Variants in FAM199X observed in about 807,000 individuals in gnomAD.
FAM199X encodes the protein protein FAM199X.
In FAM199X, 4 loss-of-function variants were observed where a neutral mutation model predicts 22.9. The observed-to-expected ratio is 0.17, with a 90% CI of 0.09 to 0.40. FAM199X has a LOEUF of 0.40. Ranked by LOEUF, FAM199X falls within the 10% of genes least tolerant of loss-of-function variation. The pLI is 1.00. For missense variants in FAM199X, 183 were observed against 306.8 expected (o/e 0.60, Z 3.01); for synonymous variants, 101 against 112.3 (o/e 0.90, Z 0.64).
rs782503930 is a variant in FAM199X, at chrX:104,194,200, G to T, written c.*4422G>T. ...ATACCGAACTCAGAAAAGCTTGTTT[G>T]ATCTTCTCTAAATTCTGTATGTAGT... On this transcript the variant is annotated 3_prime_UTR_variant, in exon 6 of 6. Transcript: ENST00000493442. 1 of 111,390 alleles carries T rather than the reference G, an allele frequency of 9.0e-6. No homozygotes were observed. Among genetic ancestry groups the T allele is most frequent in the African/African-American group, 3.2e-5 (1 of 30,781 alleles). The allele number at this position is 111,390 out of a possible 1,213,427, so 9.2% of individuals were successfully genotyped here.
At chrX:104,189,331 AAAG>A (rs60492724) in intron 5 of FAM199X, among the ~76,000 whole-genome samples, 7,385 of 111,386 alleles carry the variant, frequency 0.066, 653 homozygotes, top group African/African-American at 0.23. Context: ...GGAATTTAAA[AAAG>A]AAGTCTTTGA....
At chrX:104,179,394 G>A (rs1921583391) in intron 2 of FAM199X, among the ~76,000 whole-genome samples, 1 of 111,467 alleles carries the variant, frequency 9.0e-6, no homozygotes, top group Non-Finnish European at 1.9e-5. Context: ...ATTCTTTTTG[G>A]TGCTGTTATA....
At position 104,194,431 on chromosome X, in the gene FAM199X, G is replaced by T. The variant is rs1178042186; in HGVS notation, c.*4653G>T. ...ACTTAATATTCTAAATTGTTCTAAGGAACAGTGGCCTGAAGCCATGACTAG... is the reference window on the plus strand; with the variant it reads ...ACTTAATATTCTAAATTGTTCTAAGTAACAGTGGCCTGAAGCCATGACTAG... On this transcript the variant is annotated 3_prime_UTR_variant, in exon 6 of 6. Coordinates refer to ENST00000493442, the MANE Select transcript of FAM199X (RefSeq NM_207318.4). 1 of 112,117 alleles carries T rather than the reference G, an allele frequency of 8.9e-6. No individual in the cohort carries two copies. The highest frequency in any genetic ancestry group is 1.9e-5 in the Non-Finnish European group (1 of 53,078). 9.2% of individuals were successfully genotyped at this position (112,117 alleles called of 1,213,427 possible).
At chrX:104,161,336 G>A in the FAM199X span, among the ~76,000 whole-genome samples, 9 of 112,102 alleles carry the variant, frequency 8.0e-5, no homozygotes, top group Non-Finnish European at 1.1e-4. Context: ...TTTCATTAAA[G>A]CATAGGAAAG....
intron 2 of FAM199X, among the ~76,000 whole-genome samples, chrX:104,180,288 CTTTTT>C (rs573175887): frequency 7.0e-5 from 5 of 71,260 alleles, no homozygotes; most frequent in Non-Finnish European, 1.1e-4. Flanking sequence ...GCCAGTGTCT[CTTTTT>C]TTTTTTTTTT....
At chrX:104,163,688 CTTTTTTT>C (rs1180760241), upstream of FAM199X, among the ~76,000 whole-genome samples, 4 of 94,254 alleles carry the variant, frequency 4.2e-5, no homozygotes, top group South Asian at 9.9e-4. Context: ...GGAGGGACCT[CTTTTTTT>C]TTTTTTTTTT....
chrX:104,188,146 G>T lies in FAM199X; in HGVS notation c.836G>T (p.Ser279Ile). Residue 279 changes from serine (S) to isoleucine (I), a missense_variant, in exon 5 of 6, where the codon AGT (serine) becomes ATT (isoleucine). Physicochemically the swap from Ser to Ile is moderately radical, Grantham distance 142. This residue lies in a region of FAM199X where 128 missense variants were observed against 246.2 expected (regional missense o/e 0.52). Transcript: ENST00000493442. ...CASTSGVSGA[S>I]ASASSSSASM... ...AGCACCAGTGGAGTGAGCGGTGCCA[G>T]TGCCAGCGCCAGCAGCAGCAGTGCC... 1 of 1,211,896 alleles carries T rather than the reference G, an allele frequency of 8.3e-7. No individual in the cohort carries two copies. Among genetic ancestry groups the T allele is most frequent in the Non-Finnish European group, 1.1e-6 (1 of 895,600 alleles).
intron 1 of FAM199X, among the ~76,000 whole-genome samples, chrX:104,167,262 C>T (rs782555023): frequency 9.5e-6 from 1 of 105,769 alleles, no homozygotes; most frequent in Non-Finnish European, 1.9e-5. Context: ...CTTCCCTCCC[C>T]CCATCTGTAC....
chrX:104,160,007 CGCT>C, the FAM199X span, among the ~76,000 whole-genome samples: 1 of 112,193 alleles, frequency 8.9e-6, no homozygotes, highest in Non-Finnish European at 1.9e-5. Context: ...TCTCTCACTC[CGCT>C]GCTGCTGAGA....
the FAM199X span, among the ~76,000 whole-genome samples, chrX:104,161,215 A>T: frequency 8.9e-6 from 1 of 112,157 alleles, no homozygotes; most frequent in East Asian, 2.8e-4. Context: ...TAAACCAAAA[A>T]TTCATACTGA....
intron 1 of FAM199X, 129 bp downstream of exon 1, chrX:104,167,111 G>A (rs1434370929): frequency 9.7e-6 from 5 of 518,064 alleles, no homozygotes; most frequent in East Asian, 4.6e-5. Context: ...GCTCATTCCC[G>A]GCCTCCTTCC....
At chrX:104,185,364 T>G (rs1921773899) in intron 2 of FAM199X, among the ~76,000 whole-genome samples, 1 of 111,164 alleles carries the variant, frequency 9.0e-6, no homozygotes, top group Non-Finnish European at 1.9e-5. Context: ...GACCAGTGCT[T>G]CTTTTTCATT....
chrX:104,164,920 G>A (rs949098904), upstream of FAM199X, among the ~76,000 whole-genome samples: 1 of 111,776 alleles, frequency 8.9e-6, no homozygotes, highest in Non-Finnish European at 1.9e-5. Flanking sequence ...AGACTATTTC[G>A]TTAGCTTCTT....
intron 2 of FAM199X, among the ~76,000 whole-genome samples, chrX:104,178,848 G>A (rs1921564299): frequency 9.0e-6 from 1 of 111,716 alleles, no homozygotes; most frequent in Non-Finnish European, 1.9e-5. Context: ...GTTCATTATA[G>A]AGATTGTTTA....
At position 104,166,456 on chromosome X, in the gene FAM199X, C is replaced by A. The variant is rs1921186542; in HGVS notation, c.-330C>A. Among the ~76,000 whole-genome samples, 1 of 112,382 alleles carries A rather than the reference C, an allele frequency of 8.9e-6. No homozygotes were observed. Among genetic ancestry groups the A allele is most frequent in the Non-Finnish European group, 1.9e-5 (1 of 53,010 alleles). On this transcript the variant is annotated 5_prime_UTR_variant, in exon 1 of 6. Coordinates refer to ENST00000493442, the MANE Select transcript of FAM199X (RefSeq NM_207318.4). The stretch of plus-strand genomic sequence containing the variant: ...CGGGCGCCGGGCAGACTGCTGCAGT[C>A]GCAAGCGGCGAGCGCAGTGGGCGGG...
chrX:104,176,573 G>A (rs114816147), intron 2 of FAM199X, among the ~76,000 whole-genome samples: 4,367 of 111,949 alleles, frequency 0.039, 175 homozygotes, highest in African/African-American at 0.13. Flanking sequence ...TCCAAAAGAG[G>A]GATTGAATAT....
At chrX:104,176,177 T>C (rs1230970800) in intron 2 of FAM199X, among the ~76,000 whole-genome samples, 2 of 112,237 alleles carry the variant, frequency 1.8e-5, no homozygotes, top group African/African-American at 3.2e-5. Flanking sequence ...TGTGTCCTTA[T>C]AGGACAAATA....
chrX:104,164,654 G>T (rs1316189552), upstream of FAM199X, among the ~76,000 whole-genome samples: 2 of 111,242 alleles, frequency 1.8e-5, no homozygotes, highest in Admixed American at 9.5e-5. Flanking sequence ...ACTGAGTTGG[G>T]TCAATCACTT....
chrX:104,187,176 C>T lies in FAM199X; in HGVS notation c.729+555C>T, dbSNP rs187169660. 9.2e-5 allele frequency among the ~76,000 whole-genome samples: 10 copies of T among 108,911 alleles called. No homozygotes were observed. In the East Asian group the frequency reaches 1.7e-3, roughly 19 times the overall value. The allele number at this position is 108,911 out of a possible 115,157, so 94.6% of individuals were successfully genotyped here. A position where few individuals can be genotyped will look rare whatever the true frequency, so the allele number is the denominator to read the frequency against. On this transcript the variant is annotated intron_variant, in intron 4 of 5. Coordinates refer to ENST00000493442, the MANE Select transcript of FAM199X (RefSeq NM_207318.4). ...TCGGCTCACTGCAACCTCCACTGCC[C>T]GGGTTCAAGTGATTCTCCTGCCTCA... is the stretch of plus-strand genomic sequence containing the variant.
Sources: allele counts gnomAD v4.1 joint callset (sites outside exome capture counted in the v4.1 genomes callset), GRCh38; gene constraint gnomAD v4.1.1; regional missense constraint gnomAD v4.1.1; transcripts MANE v1.5; gene names NCBI Gene and HGNC (gene_info 2026-07-23, HGNC 2026-07-21).